The following TLN2 variants were observed in gnomAD, a reference collection of about 807,000 sequenced individuals.
TLN2 encodes talin 2.
In TLN2, 118 loss-of-function variants were observed where a neutral mutation model predicts 294.7. The observed-to-expected ratio is 0.40, with a 90% confidence interval of 0.34 to 0.47. The LOEUF is 0.47. Ranked by LOEUF, TLN2 falls within the 20% of genes least tolerant of loss-of-function variation. The pLI, the probability that TLN2 is intolerant of heterozygous loss-of-function variation, is 0.84. For missense variants in TLN2, 3,083 were observed against 3,282.2 expected (o/e 0.94, Z 1.48); for synonymous variants, 1,431 against 1,304.5 (o/e 1.10, Z -2.09).
At chr15:62,398,578 C>T (rs142607110) in intron 1 of TLN2, among the ~76,000 whole-genome samples, 20,141 of 152,064 alleles carry the variant, frequency 0.13, 1,390 homozygotes, top group Admixed American at 0.15. Context: ...GATCAAAATG[C>T]TGATAGTGAT....
At chr15:62,459,898 A>G (rs1412511044) in intron 1 of TLN2, among the ~76,000 whole-genome samples, 8 of 152,144 alleles carry the variant, frequency 5.3e-5, no homozygotes, top group Non-Finnish European at 1.0e-4. Flanking sequence ...TACCTCAGAG[A>G]GGATTTTCCC....
In TLN2 at chr15:62,704,104, G is replaced by T. The variant is rs747249946; in HGVS notation, c.2004+1240G>T. 1.7e-4 allele frequency among the ~76,000 whole-genome samples: 26 copies of T among 152,196 alleles called. No individual in the cohort carries two copies. The Middle Eastern group carries it at 0.01, about 60-fold the overall frequency. The stretch of plus-strand genomic sequence containing the variant: ...ATGTTCACTGTTTAGGAATTCTACA[G>T]AATTTCATTGGCCTTCACTTATTAA... On this transcript the variant is annotated intron_variant, in intron 19 of 58. Transcript: ENST00000636159.
intron 1 of TLN2, among the ~76,000 whole-genome samples, chr15:62,496,823 A>G (rs916197267): frequency 1.3e-5 from 2 of 152,216 alleles, no homozygotes; most frequent in African/African-American, 4.8e-5. Flanking sequence ...TCTATTGTCC[A>G]TTATACACAC....
At chr15:62,535,956 G>A (rs972263559) in intron 1 of TLN2, among the ~76,000 whole-genome samples, 6 of 152,096 alleles carry the variant, frequency 3.9e-5, no homozygotes, top group Admixed American at 2.0e-4. Flanking sequence ...GACTGCTACC[G>A]CTCTCAACAT....
intron 1 of TLN2, among the ~76,000 whole-genome samples, chr15:62,445,189 A>G (rs2035752385): frequency 6.6e-6 from 1 of 152,188 alleles, no homozygotes; most frequent in Non-Finnish European, 1.5e-5. Context: ...GGTGTGACCC[A>G]GCTGACTCCA....
rs751100031 is a variant in TLN2 at position 62,800,663 on chromosome 15, C to A, written c.6371C>A (p.Thr2124Asn). ...TCCCTTCCTATGCAGGTGATGGTGA[C>A]CAATGTCACCTCGCTCCTCAAGACT... ...QLKGAAKVMVTNVTSLLKTVK... is the reference protein window; with the variant it reads ...QLKGAAKVMVNNVTSLLKTVK... Residue 2124 changes from threonine (T) to asparagine (N), a missense_variant, in exon 50 of 59, where the codon ACC becomes AAC. Physicochemically the swap from Thr to Asn is moderately conservative, Grantham distance 65. Coordinates refer to ENST00000636159, the MANE Select transcript of TLN2 (RefSeq NM_015059.3). 3 of 1,614,148 alleles carry A rather than the reference C, an allele frequency of 1.9e-6. No homozygotes were observed. In the Admixed American group the frequency reaches 5.0e-5, roughly 27 times the overall value.
chr15:62,533,421 C>T (rs2041163049), intron 1 of TLN2, among the ~76,000 whole-genome samples: 1 of 151,964 alleles, frequency 6.6e-6, no homozygotes, highest in Admixed American at 6.6e-5. Flanking sequence ...CATCCCCTAA[C>T]CCCTCCCTCA....
At chr15:62,409,897 T>G (rs2033661743) in intron 1 of TLN2, among the ~76,000 whole-genome samples, 1 of 152,312 alleles carries the variant, frequency 6.6e-6, no homozygotes, top group Non-Finnish European at 1.5e-5. Flanking sequence ...AAAGACAAGA[T>G]TTTTAGTTCT....
intron 1 of TLN2, among the ~76,000 whole-genome samples, chr15:62,486,174 C>G (rs1391353101): frequency 6.6e-6 from 1 of 152,188 alleles, no homozygotes; most frequent in Non-Finnish European, 1.5e-5. Context: ...TTTAGAAAGT[C>G]TTTCCTAAGA....
chr15:62,520,956 C>T (rs1018080134), intron 1 of TLN2, among the ~76,000 whole-genome samples: 4 of 152,136 alleles, frequency 2.6e-5, no homozygotes, highest in East Asian at 1.9e-4. Flanking sequence ...TTAAATTAGA[C>T]GTGCAAAAAG....
intron 29 of TLN2, 32 bp downstream of exon 29, chr15:62,737,118 A>G: frequency 6.2e-7 from 1 of 1,611,012 alleles, no homozygotes. Context: ...TGTGGTTGTC[A>G]TGGTCATCAT....
At chr15:62,616,868 A>G (rs943627243) in intron 2 of TLN2, among the ~76,000 whole-genome samples, 9 of 152,172 alleles carry the variant, frequency 5.9e-5, no homozygotes, top group Admixed American at 4.6e-4. Context: ...CACTTGATAA[A>G]TAATAATTAC....
chr15:62,767,888 A>G (rs913283500), intron 41 of TLN2, among the ~76,000 whole-genome samples: 2 of 152,234 alleles, frequency 1.3e-5, no homozygotes, highest in African/African-American at 2.4e-5. Context: ...CTCTGCGGAT[A>G]CTTCATTAGT....
intron 2 of TLN2, among the ~76,000 whole-genome samples, chr15:62,609,362 A>G (rs2047720787): frequency 6.6e-6 from 1 of 152,182 alleles, no homozygotes. Flanking sequence ...GCTATCATCT[A>G]ATTCTCAGAT....
At chr15:62,602,190 T>C (rs1304894118) in intron 2 of TLN2, among the ~76,000 whole-genome samples, 37 of 151,928 alleles carry the variant, frequency 2.4e-4, no homozygotes, top group Non-Finnish European at 4.4e-5. Flanking sequence ...GATACTTCCA[T>C]GTGAAATTCA....
At position 62,727,302 on chromosome 15, in the gene TLN2, G is replaced by A. The variant is rs1595804251; in HGVS notation, c.3358+113G>A. The A allele has an allele frequency of 7.6e-6, 7 of 916,496 alleles. No homozygotes were observed. In the East Asian group the frequency reaches 1.9e-4, roughly 25 times the overall value. 56.8% of individuals were successfully genotyped at this position (916,496 alleles called of 1,614,324 possible). A position where few individuals can be genotyped will look rare whatever the true frequency, so the allele number is the denominator to read the frequency against. ...TACACGTGACATTTTTCTCCCAGCA[G>A]TTCACCGTATATTTTTCAAGCACCA... On this transcript the variant is annotated intron_variant, in intron 28 of 58. Coordinates refer to ENST00000636159, the MANE Select transcript of TLN2 (RefSeq NM_015059.3).
intron 1 of TLN2, among the ~76,000 whole-genome samples, chr15:62,553,346 G>A (rs969854674): frequency 1.3e-5 from 2 of 152,132 alleles, no homozygotes; most frequent in African/African-American, 2.4e-5. Flanking sequence ...TTAGCTAGGC[G>A]TGATGGTGGG....
At chr15:62,525,949 G>C (rs748541547) in intron 1 of TLN2, among the ~76,000 whole-genome samples, 14 of 152,198 alleles carry the variant, frequency 9.2e-5, no homozygotes, top group Non-Finnish European at 1.8e-4. Flanking sequence ...TGCAAGGGAA[G>C]CTGGAAGAAG....
intron 2 of TLN2, among the ~76,000 whole-genome samples, chr15:62,599,944 GTTC>G (rs1351627799): frequency 6.3e-4 from 96 of 152,254 alleles, no homozygotes; most frequent in African/African-American, 2.2e-3. Context: ...CTTGGGCGTT[GTTC>G]TGTTGTGTTT....
Sources: gnomAD v4.1 joint callset for allele counts (sites outside exome capture counted in the v4.1 genomes callset) on GRCh38, gnomAD v4.1.1 for gene constraint, MANE v1.5 for transcripts, NCBI Gene and HGNC (gene_info 2026-07-23, HGNC 2026-07-21) for gene names.